Variants in GPAM observed in about 807,000 individuals in gnomAD.
GPAM encodes glycerol-3-phosphate acyltransferase, mitochondrial, also known as glycerol-3-phosphate acyltransferase 1, mitochondrial.
A neutral mutation model predicts 105.0 loss-of-function variants in GPAM; 56 were observed. The observed-to-expected ratio is 0.53, with a 90% CI of 0.43 to 0.67. GPAM has a LOEUF of 0.67. GPAM is among the 30% of genes least tolerant of loss of function. The pLI, the probability that GPAM is intolerant of heterozygous loss-of-function variation, is 0.00. For synonymous variants in GPAM, 368 were observed against 354.4 expected, an observed-to-expected ratio of 1.04 and a Z score of -0.43; for missense variants, 855 against 989.8, an observed-to-expected ratio of 0.86 and a Z score of 1.83.
chr10:112,169,888 A>C (rs935985854), intron 9 of GPAM, among the ~76,000 whole-genome samples: 3 of 152,216 alleles, frequency 2.0e-5, no homozygotes, highest in Non-Finnish European at 4.4e-5. Context: ...ATAGGAGCGC[A>C]AATCCTATTG....
At chr10:112,166,542 G>A in intron 11 of GPAM, 27 bp from the exon 12 acceptor site, 4 of 1,281,332 alleles carry the variant, frequency 3.1e-6, no homozygotes, top group Non-Finnish European at 4.6e-6. Context: ...AGAATAACAT[G>A]GTGAGAAATA....
At chr10:112,191,624 G>C (rs1169743851) in intron 1 of GPAM, among the ~76,000 whole-genome samples, 1 of 152,180 alleles carries the variant, frequency 6.6e-6, no homozygotes, top group East Asian at 1.9e-4. Context: ...CTGGAAGTAG[G>C]CTAAGTAATT....
chr10:112,158,474 G>A (rs17129561), intron 17 of GPAM, 81 bp from the exon 18 acceptor site: 110,606 of 877,742 alleles, frequency 0.13, 7,743 homozygotes, highest in Admixed American at 0.2. Context: ...GTACAAGGTA[G>A]CTGCCAAAGC....
chr10:112,182,225 T>G (rs1847522417), intron 2 of GPAM, among the ~76,000 whole-genome samples: 1 of 152,208 alleles, frequency 6.6e-6, no homozygotes, highest in Non-Finnish European at 1.5e-5. Flanking sequence ...TTATTCTTAT[T>G]TCATTTTTGT....
At chr10:112,164,780 T>G (rs1233414512) in intron 12 of GPAM, among the ~76,000 whole-genome samples, 170 bp from the exon 13 acceptor site, 1 of 152,248 alleles carries the variant, frequency 6.6e-6, no homozygotes, top group Non-Finnish European at 1.5e-5. Context: ...CCAGAATGAT[T>G]CACAGAATGC....
Position 112,150,774 on chromosome 10 carries a change from A to C in GPAM, c.*2776T>G. On this transcript the variant is annotated 3_prime_UTR_variant, in exon 22 of 22. Transcript: ENST00000348367. ...GGTTTCCCAGCAACACCATTTCTAT[A>C]AAACACTGATGAACATCTCACAGAG... The C allele has an allele frequency of 1.0e-6, 1 of 985,366 alleles. No individual in the cohort carries two copies. The highest frequency in any genetic ancestry group is 1.2e-6 in the Non-Finnish European group (1 of 829,870). 61.0% of individuals were successfully genotyped at this position (985,366 alleles called of 1,614,324 possible). A position where few individuals can be genotyped will look rare whatever the true frequency, so the allele number is the denominator to read the frequency against.
At position 112,153,310 on chromosome 10, in the gene GPAM, G is replaced by A; in HGVS notation, c.*240C>T. 2 of 1,379,954 alleles carry A rather than the reference G, an allele frequency of 1.4e-6. No homozygotes were observed. Among genetic ancestry groups the A allele is most frequent in the Non-Finnish European group, 1.9e-6 (2 of 1,065,544 alleles). The allele number at this position is 1,379,954 out of a possible 1,614,324, so 85.5% of individuals were successfully genotyped here. ...TTGAGATTTCATCTTGTAGTCTACG[G>A]ATTATGAGTTGCGAATAGAGGCTGA... On this transcript the variant is annotated 3_prime_UTR_variant, in exon 22 of 22. Coordinates refer to ENST00000348367, the MANE Select transcript of GPAM (RefSeq NM_001244949.2).
chr10:112,200,278 C>G (rs1847782501), intron 1 of GPAM, among the ~76,000 whole-genome samples: 1 of 137,328 alleles, frequency 7.3e-6, no homozygotes. Flanking sequence ...GAATAGTTTT[C>G]CTTCAACAAC....
In GPAM at chr10:112,178,003, T is replaced by C. The variant is rs1847437453; in HGVS notation, c.280A>G (p.Ile94Val). 2.5e-6 allele frequency: 4 copies of C among 1,594,030 alleles called. No homozygotes were observed. Among genetic ancestry groups the C allele is most frequent in the South Asian group, 1.1e-5 (1 of 90,632 alleles). Residue 94 changes from isoleucine to valine, a missense_variant, in exon 5 of 22, where the codon ATC becomes GTC. Transcript: ENST00000348367. Reference protein sequence around the residue: ...PSLGLRNVIYINETHTRHRGW... With the variant: ...PSLGLRNVIYVNETHTRHRGW... ...TTTTACCTTGTGTGAGTTTCATTGA[T>C]ATAAATAACATTCCGCAAACCCAAA...
At chr10:112,212,628 G>A (rs888004510) in intron 1 of GPAM, among the ~76,000 whole-genome samples, 1 of 152,134 alleles carries the variant, frequency 6.6e-6, no homozygotes, top group Non-Finnish European at 1.5e-5. Context: ...TTAGGGTCTC[G>A]AGAAAGCCCC....
At chr10:112,199,704 C>T (rs2133292588) in intron 1 of GPAM, among the ~76,000 whole-genome samples, 1 of 152,236 alleles carries the variant, frequency 6.6e-6, no homozygotes, top group South Asian at 2.1e-4. Context: ...GCTGGGGAGG[C>T]CTCACAATCA....
chr10:112,190,016 T>G (rs545443976), intron 1 of GPAM, among the ~76,000 whole-genome samples: 61 of 152,200 alleles, frequency 4.0e-4, no homozygotes, highest in Non-Finnish European at 8.1e-4. Flanking sequence ...CTACCTATAC[T>G]CTGTAAGGAG....
chr10:112,166,183 G>C (rs1040416246), intron 12 of GPAM, among the ~76,000 whole-genome samples: 1 of 151,882 alleles, frequency 6.6e-6, no homozygotes, highest in Non-Finnish European at 1.5e-5. Context: ...AATAAATGTC[G>C]AGCCTGATAT....
chr10:112,162,931 G>C (rs1370078827), intron 14 of GPAM, among the ~76,000 whole-genome samples: 1 of 152,130 alleles, frequency 6.6e-6, no homozygotes, highest in African/African-American at 2.4e-5. Context: ...AGCAGGAATA[G>C]GGGCCTCCAG....
intron 11 of GPAM, 107 bp downstream of exon 11, chr10:112,168,205 T>C (rs537189412): frequency 5.1e-5 from 37 of 726,952 alleles, no homozygotes; most frequent in South Asian, 3.7e-4. Context: ...GCTTTAAACA[T>C]AGGGAGTACC....
intron 20 of GPAM, chr10:112,154,997 C>T (rs1277016405): frequency 4.5e-6 from 2 of 446,244 alleles, no homozygotes; most frequent in Non-Finnish European, 8.3e-6. Context: ...ATCCATTTTC[C>T]AGGACTGTTG....
At chr10:112,171,208 C>G (rs554967734) in intron 9 of GPAM, among the ~76,000 whole-genome samples, 2 of 152,220 alleles carry the variant, frequency 1.3e-5, no homozygotes, top group Non-Finnish European at 2.9e-5. Flanking sequence ...AGACCTACCA[C>G]CTACCCAGTT....
chr10:112,185,120 G>C (rs915711506), upstream of GPAM, among the ~76,000 whole-genome samples: 1 of 152,100 alleles, frequency 6.6e-6, no homozygotes, highest in Admixed American at 6.5e-5. Flanking sequence ...GGCAAAATTA[G>C]CTCTAATGTA....
intron 1 of GPAM, among the ~76,000 whole-genome samples, chr10:112,192,659 G>A (rs551118680): frequency 6.6e-6 from 1 of 152,302 alleles, no homozygotes; most frequent in South Asian, 2.1e-4. Flanking sequence ...GTGGGTAAGT[G>A]GGAAAATGGC....
Sources: gnomAD v4.1 joint callset for allele counts (sites outside exome capture counted in the v4.1 genomes callset) on GRCh38, gnomAD v4.1.1 for gene constraint, MANE v1.5 for transcripts, NCBI Gene and HGNC (gene_info 2026-07-23, HGNC 2026-07-21) for gene names.